The following ABLIM1 variants were observed in gnomAD, a reference collection of about 807,000 sequenced individuals.
ABLIM1 encodes the protein actin-binding LIM protein 1.
Under a neutral mutation model 107.0 loss-of-function variants are expected in ABLIM1, and 40 were observed. The ratio of observed to expected loss-of-function variants is 0.37; its 90% CI spans 0.29 to 0.49. The LOEUF (loss-of-function observed/expected upper bound fraction) is 0.49, where lower values mean the gene tolerates loss of function less well. Ranked by LOEUF, ABLIM1 falls within the 20% of genes least tolerant of loss-of-function variation. The probability of loss-of-function intolerance (pLI) is 0.97; values close to 1 mark genes in which losing one functional copy is unlikely to be tolerated. For missense variants in ABLIM1, 857 were observed against 1,008.5 expected (o/e 0.85, Z 2.04); for synonymous variants, 357 against 357.3 (o/e 1.00, Z 0.01).
At chr10:114,566,993 G>A (rs914508313) in intron 4 of ABLIM1, among the ~76,000 whole-genome samples, 1 of 152,222 alleles carries the variant, frequency 6.6e-6, no homozygotes, top group Admixed American at 6.5e-5. Context: ...AGGTTGCAAT[G>A]AGCCAGGATC....
intron 1 of ABLIM1, among the ~76,000 whole-genome samples, chr10:114,716,548 C>T (rs2081668120): frequency 6.6e-6 from 1 of 152,250 alleles, no homozygotes; most frequent in Admixed American, 6.5e-5. Context: ...GAACTTACAA[C>T]GGATGTTTTC....
chr10:114,650,116 A>G lies in ABLIM1; in HGVS notation c.244+7841T>C, dbSNP rs145554181. On this transcript the variant is annotated intron_variant, in intron 1 of 22. Coordinates refer to ENST00000533213, the MANE Select transcript of ABLIM1 (RefSeq NM_002313.7). ...GTGATTCACCCATCTCGGCCTCCCA[A>G]AGTGCTGGGATTACAGGCGTGAGCC... is the stretch of plus-strand genomic sequence containing the variant. Among the ~76,000 whole-genome samples the G allele has an allele frequency of 6.0e-3, 910 of 152,192 alleles. 7 individuals carry two copies. Among genetic ancestry groups the G allele is most frequent in the African/African-American group, 0.021 (876 of 41,536 alleles).
chr10:114,558,984 A>G (rs2069208461), intron 4 of ABLIM1, among the ~76,000 whole-genome samples: 1 of 151,514 alleles, frequency 6.6e-6, no homozygotes, highest in South Asian at 2.1e-4. Context: ...GGCTATATGT[A>G]TAGAATGAAC....
chr10:114,444,223 C>G, intron 16 of ABLIM1, 89 bp from the exon 17 acceptor site: 3 of 1,140,214 alleles, frequency 2.6e-6, no homozygotes, highest in Non-Finnish European at 3.7e-6. Context: ...GTAGCAGATC[C>G]CACAAGAAGT....
In ABLIM1 at chr10:114,439,129, G is replaced by C. The variant is rs1159037196; in HGVS notation, c.2142+47C>G. The C allele has an allele frequency of 3.8e-6, 6 of 1,598,792 alleles. No individual in the cohort carries two copies. The East Asian group carries it at 1.1e-4, about 30-fold the overall frequency. ...AAAGATAGAACATCAAATCTGTTTA[G>C]GGTTACGCCATTCCCATATGAGAGG... is the stretch of plus-strand genomic sequence containing the variant. On this transcript the variant is annotated intron_variant, in intron 21 of 22. Coordinates refer to ENST00000533213, the MANE Select transcript of ABLIM1 (RefSeq NM_002313.7).
intron 1 of ABLIM1, among the ~76,000 whole-genome samples, chr10:114,718,443 T>A (rs1443722748): frequency 1.3e-5 from 2 of 152,234 alleles, no homozygotes; most frequent in Non-Finnish European, 2.9e-5. Context: ...CATATGTGGT[T>A]CCATTTTGTT....
At chr10:114,728,444 G>A (rs963344981) in intron 1 of ABLIM1, among the ~76,000 whole-genome samples, 18 of 150,364 alleles carry the variant, frequency 1.2e-4, no homozygotes, top group South Asian at 4.2e-4. Flanking sequence ...ATTGAAGGGA[G>A]GGAGTATCTA....
chr10:114,707,638 A>G lies in ABLIM1; in HGVS notation c.-213+60423T>C, dbSNP rs2081450520. Among the ~76,000 whole-genome samples, 1 of 152,120 alleles carries G rather than the reference A, an allele frequency of 6.6e-6. No individual in the cohort carries two copies. ...TTACCGGCCGGGCACGGTGGCTCACACTTATAATCCCAACACTTTGGGAGG... is the reference window on the plus strand; with the variant it reads ...TTACCGGCCGGGCACGGTGGCTCACGCTTATAATCCCAACACTTTGGGAGG... On this transcript the variant is annotated intron_variant, in intron 1 of 15. Transcript: ENST00000651092. This position sits in a 1 kb window ranked among gnomAD's most constrained non-coding sequence, Gnocchi z 4.1.
intron 1 of ABLIM1, among the ~76,000 whole-genome samples, chr10:114,736,370 C>T (rs1337751427): frequency 1.3e-5 from 2 of 152,108 alleles, no homozygotes; most frequent in Admixed American, 1.3e-4. Flanking sequence ...CCAATCCAAA[C>T]AGGGACAAAG....
chr10:114,537,041 G>A (rs2066115033), intron 6 of ABLIM1, among the ~76,000 whole-genome samples: 1 of 152,126 alleles, frequency 6.6e-6, no homozygotes, highest in African/African-American at 2.4e-5. Flanking sequence ...CCTGAGAATA[G>A]GTATAAAAGG....
chr10:114,793,991 C>T, the ABLIM1 span, among the ~76,000 whole-genome samples: 2,031 of 152,268 alleles, frequency 0.013, 52 homozygotes, highest in African/African-American at 0.046. Context: ...ACGCAGCAGC[C>T]AGAAGTGATC....
At chr10:114,437,208 G>A (rs1207468370) in intron 22 of ABLIM1, among the ~76,000 whole-genome samples, 2 of 152,102 alleles carry the variant, frequency 1.3e-5, no homozygotes, top group African/African-American at 4.8e-5. Flanking sequence ...AAGAGAAATA[G>A]CGACTCCCAT....
At chr10:114,706,666 T>C (rs1361765363) in intron 1 of ABLIM1, among the ~76,000 whole-genome samples, 1 of 152,220 alleles carries the variant, frequency 6.6e-6, no homozygotes, top group African/African-American at 2.4e-5. Context: ...CCACAGCAAC[T>C]GCTGAATTAT....
At chr10:114,583,404 AACACACACACACACACACACAC>A (rs1164587300) in intron 2 of ABLIM1, among the ~76,000 whole-genome samples, 134 of 71,332 alleles carry the variant, frequency 1.9e-3, no homozygotes, top group African/African-American at 6.3e-3. Flanking sequence ...GAGAAAAGGG[AACACACACACACACACACACAC>A]ACACACACAC....
At chr10:114,631,217 C>A (rs1329808055) in intron 1 of ABLIM1, among the ~76,000 whole-genome samples, 1 of 152,208 alleles carries the variant, frequency 6.6e-6, no homozygotes, top group Admixed American at 6.5e-5. Flanking sequence ...TCATTCAATT[C>A]TGAAAAATGT....
chr10:114,565,788 C>CTTTTTTTTTTTTTTTTTTTTTTTT (rs577896964), intron 4 of ABLIM1, among the ~76,000 whole-genome samples: 1 of 101,072 alleles, frequency 9.9e-6, no homozygotes, highest in Non-Finnish European at 2.0e-5. Flanking sequence ...GAAATGATTT[C>CTTTTTTTTTTTTTTTTTTTTTTTT]TTTTTTTTTT....
chr10:114,432,344 C>T lies in ABLIM1; in HGVS notation c.*3916G>A, dbSNP rs2058943957. ...GAGGGTTGATGAGACAGTCTATTTT[C>T]CTTCCACCATCTTCCATGAGAGTCA... is the stretch of plus-strand genomic sequence containing the variant. On this transcript the variant is annotated 3_prime_UTR_variant, in exon 23 of 23. Coordinates refer to ENST00000533213, the MANE Select transcript of ABLIM1 (RefSeq NM_002313.7). 6.6e-6 allele frequency: 1 copy of T among 152,136 alleles called. No individual in the cohort carries two copies. Among genetic ancestry groups the T allele is most frequent in the African/African-American group, 2.4e-5 (1 of 41,410 alleles). The allele number at this position is 152,136 out of a possible 1,614,324, so 9.4% of individuals were successfully genotyped here. A position where few individuals can be genotyped will look rare whatever the true frequency, so the allele number is the denominator to read the frequency against.
chr10:114,774,179 T>C, the ABLIM1 span, among the ~76,000 whole-genome samples: 1 of 152,136 alleles, frequency 6.6e-6, no homozygotes, highest in Non-Finnish European at 1.5e-5. Flanking sequence ...GAAGTAATAA[T>C]TAGACTTGTC....
intron 2 of ABLIM1, among the ~76,000 whole-genome samples, chr10:114,592,396 G>A (rs550894493): frequency 6.6e-6 from 1 of 152,306 alleles, no homozygotes; most frequent in Admixed American, 6.5e-5. Context: ...ATTCAGCAGA[G>A]TGAAACAGGA....
Sources: allele counts gnomAD v4.1 joint callset (sites outside exome capture counted in the v4.1 genomes callset), GRCh38; gene constraint gnomAD v4.1.1; non-coding constraint Gnocchi (gnomAD v3.1); transcripts MANE v1.5; gene names NCBI Gene and HGNC (gene_info 2026-07-23, HGNC 2026-07-21).